MARK3: variants seen among roughly 807,000 people sequenced by gnomAD.
MARK3 encodes the protein microtubule affinity regulating kinase 3, also known as MAP/microtubule affinity-regulating kinase 3.
MARK3 carries 46 observed loss-of-function variants against 90.1 expected under a neutral mutation model. The ratio of observed to expected loss-of-function variants is 0.51; its 90% confidence interval spans 0.40 to 0.65. The LOEUF is 0.65. Ranked by LOEUF, MARK3 falls within the 30% of genes least tolerant of loss-of-function variation. MARK3 has a pLI of 0.00. For missense variants in MARK3, 818 were observed against 947.2 expected (o/e 0.86, Z 1.79); for synonymous variants, 321 against 332.6 (o/e 0.97, Z 0.38).
intron 1 of MARK3, among the ~76,000 whole-genome samples, chr14:103,401,781 T>C (rs1001151403): frequency 2.0e-5 from 3 of 152,088 alleles, no homozygotes; most frequent in Non-Finnish European, 4.4e-5. Context: ...AGTAGCATAA[T>C]AGAGTTAGAT....
At chr14:103,407,138 A>T (rs2091350223) in intron 2 of MARK3, among the ~76,000 whole-genome samples, 1 of 152,066 alleles carries the variant, frequency 6.6e-6, no homozygotes, top group Non-Finnish European at 1.5e-5. Flanking sequence ...CCCATCTGGG[A>T]GTTCTTTTGC....
chr14:103,466,358 A>C lies in MARK3; in HGVS notation c.913A>C (p.Arg305=). ...CCTTTTTTAGCAAATCATGAAGGAC[A>C]GGTGGATCAATGCAGGGCATGAAGA... ...RGTLEQIMKD[R]WINAGHEEDE... The change falls in exon 10 of 18, where the codon AGG becomes CGG. Residue 305 remains arginine (R), a synonymous_variant. Transcript: ENST00000429436. 1 of 1,612,806 alleles carries C rather than the reference A, an allele frequency of 6.2e-7. No homozygotes were observed. The highest frequency in any genetic ancestry group is 1.1e-5 in the South Asian group (1 of 91,026).
At chr14:103,436,805 A>C (rs1261753528) in intron 3 of MARK3, among the ~76,000 whole-genome samples, 1 of 152,084 alleles carries the variant, frequency 6.6e-6, no homozygotes, top group Non-Finnish European at 1.5e-5. Flanking sequence ...AATATTGAGA[A>C]TAGACTGGGC....
intron 4 of MARK3, among the ~76,000 whole-genome samples, chr14:103,451,463 C>T (rs2093145467): frequency 6.6e-6 from 1 of 152,120 alleles, no homozygotes; most frequent in Non-Finnish European, 1.5e-5. Context: ...ATAAGTTTCC[C>T]AAGCAATAAA....
chr14:103,492,160 G>T, intron 15 of MARK3, 126 bp downstream of exon 15: 1 of 1,043,858 alleles, frequency 9.6e-7, no homozygotes, highest in Non-Finnish European at 1.4e-6. Flanking sequence ...TGGTTTTCTG[G>T]TTTTATATAT....
intron 3 of MARK3, among the ~76,000 whole-genome samples, chr14:103,441,805 A>G (rs7156036): frequency 0.34 from 52,088 of 151,888 alleles, 9,414 homozygotes; most frequent in East Asian, 0.5. Context: ...GTGTCTAAAC[A>G]CACACTTTGT....
chr14:103,410,433 G>C (rs565985418), intron 2 of MARK3, among the ~76,000 whole-genome samples: 1 of 152,094 alleles, frequency 6.6e-6, no homozygotes, highest in Non-Finnish European at 1.5e-5. Context: ...ACCATAGCAC[G>C]TATGGACAAA....
At chr14:103,445,484 C>T (rs1304442510) in intron 3 of MARK3, among the ~76,000 whole-genome samples, 1 of 152,150 alleles carries the variant, frequency 6.6e-6, no homozygotes, top group Admixed American at 6.6e-5. Context: ...GGGCTAATAT[C>T]CTGCCACTAC....
intron 6 of MARK3, among the ~76,000 whole-genome samples, chr14:103,461,893 G>T (rs570876605): frequency 6.6e-6 from 1 of 151,962 alleles, no homozygotes; most frequent in East Asian, 1.9e-4. Flanking sequence ...GAAATTGGCC[G>T]GGCATGGTGG....
chr14:103,407,087 CCCA>C (rs2091346075), intron 2 of MARK3, among the ~76,000 whole-genome samples: 1 of 152,208 alleles, frequency 6.6e-6, no homozygotes. Flanking sequence ...GCCTCAGCCT[CCCA>C]CAGTGCTGGG....
chr14:103,460,326 C>T (rs760524888), intron 6 of MARK3, among the ~76,000 whole-genome samples: 26 of 151,954 alleles, frequency 1.7e-4, no homozygotes, highest in Non-Finnish European at 3.1e-4. Context: ...ACCTCGTGAT[C>T]CACCCGCCTC....
intron 2 of MARK3, among the ~76,000 whole-genome samples, chr14:103,427,503 A>AAAAAAAAAAG (rs1388053373): frequency 6.6e-6 from 1 of 150,982 alleles, no homozygotes; most frequent in Non-Finnish European, 1.5e-5. Context: ...GTTTCAAAAA[A>AAAAAAAAAAG]AAAAAAAAAA....
At chr14:103,460,090 TTTTTTTTTTTTTTTG>T (rs1263410348) in intron 6 of MARK3, among the ~76,000 whole-genome samples, 15 of 120,318 alleles carry the variant, frequency 1.2e-4, no homozygotes, top group Non-Finnish European at 8.7e-5. Context: ...TTTTTTTTTT[TTTTTTTTTTTTTTTG>T]AGACAAATCT....
At chr14:103,442,057 G>C (rs1740263053) in intron 3 of MARK3, among the ~76,000 whole-genome samples, 1 of 151,992 alleles carries the variant, frequency 6.6e-6, no homozygotes, top group African/African-American at 2.4e-5. Context: ...AGGGGGAAAA[G>C]GTACATATCT....
Position 103,385,912 on chromosome 14 carries a change from C to T in MARK3, c.-118C>T, listed in dbSNP as rs2089747797. On this transcript the variant is annotated 5_prime_UTR_variant, in exon 1 of 18. Coordinates refer to ENST00000429436, the MANE Select transcript of MARK3 (RefSeq NM_001128918.3). ...GACGGCCGTAGGGGGAAGGGAGCCG[C>T]CCTCCCCACGGCGCCTTTTCGGAAC... 4 of 796,718 alleles carry T rather than the reference C, an allele frequency of 5.0e-6. No individual in the cohort carries two copies. In the Admixed American group the frequency reaches 7.6e-5, roughly 15 times the overall value. 49.4% of individuals were successfully genotyped at this position (796,718 alleles called of 1,614,324 possible).
intron 15 of MARK3, among the ~76,000 whole-genome samples, chr14:103,492,854 A>G (rs1566939368): frequency 6.6e-6 from 1 of 152,218 alleles, no homozygotes; most frequent in Admixed American, 6.5e-5. Context: ...ACAATAGTGA[A>G]AGGCACCTTT....
chr14:103,447,644 G>A (rs1262651418), intron 3 of MARK3, among the ~76,000 whole-genome samples: 1 of 152,058 alleles, frequency 6.6e-6, no homozygotes, highest in African/African-American at 2.4e-5. Context: ...TTGTTTTTCT[G>A]GGTTATATTA....
At chr14:103,400,598 T>G (rs2090891510) in intron 1 of MARK3, among the ~76,000 whole-genome samples, 1 of 152,094 alleles carries the variant, frequency 6.6e-6, no homozygotes, top group Admixed American at 6.6e-5. Flanking sequence ...TAGTCTGCCA[T>G]GAAATATTAT....
At chr14:103,423,149 G>A (rs891548905) in intron 2 of MARK3, among the ~76,000 whole-genome samples, 1 of 139,090 alleles carries the variant, frequency 7.2e-6, no homozygotes, top group African/African-American at 2.8e-5. Context: ...AGTCCAAGAT[G>A]ACTAATGCAT....
Sources: allele counts gnomAD v4.1 joint callset (sites outside exome capture counted in the v4.1 genomes callset), GRCh38; gene constraint gnomAD v4.1.1; transcripts MANE v1.5; gene names NCBI Gene and HGNC (gene_info 2026-07-23, HGNC 2026-07-21).